The following SLC45A1 variants were observed in gnomAD, a reference collection of about 807,000 sequenced individuals.
SLC45A1 encodes proton-associated sugar transporter A.
Under a neutral mutation model 57.6 loss-of-function variants are expected in SLC45A1, and 28 were observed. The ratio of observed to expected loss-of-function variants is 0.49; its 90% confidence interval spans 0.36 to 0.67. The LOEUF is 0.67. SLC45A1 is among the 30% of genes least tolerant of loss of function. SLC45A1 has a pLI of 0.00. For synonymous variants in SLC45A1, 459 were observed against 471.5 expected (o/e 0.97, Z 0.34); for missense variants, 814 against 1,041.5 (o/e 0.78, Z 3.01).
rs138528401 is a variant in SLC45A1 at position 8,335,461 on chromosome 1, G to A, written c.1468G>A (p.Val490Met). The A allele has an allele frequency of 7.8e-5, 125 of 1,597,386 alleles. No individual in the cohort carries two copies. In the African/African-American group the frequency reaches 9.9e-4, roughly 13 times the overall value. Residue 490 changes from valine to methionine, a missense_variant, in exon 6 of 9, where the codon GTG (valine) becomes ATG (methionine). Physicochemically the swap from Val to Met is conservative, Grantham distance 21. Coordinates refer to ENST00000471889, the MANE Select transcript of SLC45A1 (RefSeq NM_001080397.3). The surrounding 1 kb of genome is among the most constrained non-coding windows in gnomAD (Gnocchi z 4.1). ...GGTGGCCAATATCCTGCTCAACGGC[G>A]TGAAGTATGAGAGCGAGCTGACGGG... ...QQVANILLNG[V>M]KYESELTGSS...
At chr1:8,341,930 G>T (rs562411547) in intron 8 of SLC45A1, among the ~76,000 whole-genome samples, 2 of 141,992 alleles carry the variant, frequency 1.4e-5, no homozygotes, top group Admixed American at 7.2e-5. Flanking sequence ...TAAATAGGCC[G>T]GGTGCGGTGG....
Position 8,330,420 on chromosome 1 carries a change from G to A in SLC45A1, c.927G>A (p.Pro309=), listed in dbSNP as rs763541042. ...CAGCCATGAAGAGCCCCAGCCTCCCGCTGCCCCCGTCCCCACCCGTCCTGC... is the reference window on the plus strand; with the variant it reads ...CAGCCATGAAGAGCCCCAGCCTCCCACTGCCCCCGTCCCCACCCGTCCTGC... ...KRAAMKSPSL[P]LPPSPPVLPE... The change falls in exon 5 of 9, where the codon CCG becomes CCA. Residue 309 remains proline (P), a synonymous_variant. Transcript: ENST00000471889. The surrounding 1 kb of genome is among the most constrained non-coding windows in gnomAD (Gnocchi z 8.4). The A allele has an allele frequency of 2.2e-5, 35 of 1,611,230 alleles. 1 individual carries two copies. The highest frequency in any genetic ancestry group is 1.5e-4 in the African/African-American group (11 of 74,932).
chr1:8,337,835 G>A lies in SLC45A1; in HGVS notation c.1617G>A (p.Gly539=). The A allele has an allele frequency of 1.2e-6, 2 of 1,613,940 alleles. No individual in the cohort carries two copies. The highest frequency in any genetic ancestry group is 1.7e-6 in the Non-Finnish European group (2 of 1,179,936). The part of the protein sequence containing the change: ...NHFLGWLSFE[G]MLLFYTDFMG... The stretch of plus-strand genomic sequence containing the variant: ...TTCCAGGGTGGCTCTCATTCGAGGG[G>A]ATGTTGCTCTTCTACACAGACTTCA... The change falls in exon 7 of 9, where the codon GGG becomes GGA. Residue 539 remains glycine (G), a synonymous_variant. Coordinates refer to ENST00000471889, the MANE Select transcript of SLC45A1 (RefSeq NM_001080397.3).
rs1640202664 is a variant in SLC45A1 at position 8,326,327 on chromosome 1, A to G, written c.715+285A>G. The stretch of plus-strand genomic sequence containing the variant: ...GTTATGTTCTGCAGAGTCACCACAA[A>G]CACTGAATTAGCAAACACCGCATCT... On this transcript the variant is annotated intron_variant, in intron 4 of 8. Transcript: ENST00000471889. The surrounding 1 kb of genome is among the most constrained non-coding windows in gnomAD (Gnocchi z 5.5). Among the ~76,000 whole-genome samples, 1 of 152,216 alleles carries G rather than the reference A, an allele frequency of 6.6e-6. No individual in the cohort carries two copies. The highest frequency in any genetic ancestry group is 2.4e-5 in the African/African-American group (1 of 41,462).
intron 7 of SLC45A1, among the ~76,000 whole-genome samples, chr1:8,338,276 G>A (rs1296977744): frequency 2.0e-5 from 3 of 152,240 alleles, no homozygotes; most frequent in East Asian, 1.9e-4. Flanking sequence ...GAAGTGGGGG[G>A]CCCTGGGGGA....
chr1:8,337,261 A>C (rs1353265320), intron 6 of SLC45A1, among the ~76,000 whole-genome samples: 1 of 152,184 alleles, frequency 6.6e-6, no homozygotes, highest in Non-Finnish European at 1.5e-5. Context: ...CTTATTCACT[A>C]TCATGAGAAC....
rs367573043 is a variant in SLC45A1, at chr1:8,325,311, G to A, written c.411G>A (p.Gln137=). ...GCTCTGTTTCAGGATTCCTACTGCA[G>A]CCTCTGTTGGGTGCTTGGAGTGACC... The part of the protein sequence containing the change: ...FISPILGFLL[Q]PLLGAWSDRC... Residue 137 remains glutamine (Q), a synonymous_variant, in exon 3 of 9, where the codon CAG becomes CAA. Transcript: ENST00000471889. The surrounding 1 kb of genome is among the most constrained non-coding windows in gnomAD (Gnocchi z 6.3). 12 of 1,613,474 alleles carry A rather than the reference G, an allele frequency of 7.4e-6. No homozygotes were observed. The African/African-American group carries it at 1.6e-4, about 22-fold the overall frequency.
intron 5 of SLC45A1, among the ~76,000 whole-genome samples, chr1:8,332,204 C>T (rs535783800): frequency 9.2e-5 from 14 of 152,330 alleles, no homozygotes; most frequent in Middle Eastern, 3.4e-3. Context: ...GGTATTTTTC[C>T]CAAGACGTCC....
chr1:8,328,448 G>C lies in SLC45A1; in HGVS notation c.716-1761G>C, dbSNP rs1640268579. ...CTTCTAAAGGGGCCATGCCGGGCGA[G>C]TGCTGGGCTTGGCAGAGAGGAAGAA... is the stretch of plus-strand genomic sequence containing the variant. On this transcript the variant is annotated intron_variant, in intron 4 of 8. Transcript: ENST00000471889. This position sits in a 1 kb window ranked among gnomAD's most constrained non-coding sequence, Gnocchi z 4.6. Among the ~76,000 whole-genome samples the C allele has an allele frequency of 6.6e-6, 1 of 152,242 alleles. No individual in the cohort carries two copies. Among genetic ancestry groups the C allele is most frequent in the Admixed American group, 6.5e-5 (1 of 15,284 alleles).
chr1:8,329,283 T>C (rs1460175068), intron 4 of SLC45A1, among the ~76,000 whole-genome samples: 2 of 152,238 alleles, frequency 1.3e-5, no homozygotes, highest in East Asian at 1.9e-4. Context: ...AATCCCGTGC[T>C]GGTAGCAGGC....
At position 8,344,032 on chromosome 1, in the gene SLC45A1, C is replaced by CTGGAG. The variant is rs1557572444; in HGVS notation, c.*19_*20insTGGAG. Reference sequence around the variant, plus strand: ...CGTCTGACATCGCGGAGCCTCGACTCCGGACACGCGCCTGCACCTGGGGGT... The same window carrying CTGGAG: ...CGTCTGACATCGCGGAGCCTCGACTCTGGAGCGGACACGCGCCTGCACCTGGGGGT... On this transcript the variant is annotated 3_prime_UTR_variant, in exon 9 of 9. Transcript: ENST00000471889. The CTGGAG allele has an allele frequency of 6.3e-7, 1 of 1,594,100 alleles. No individual in the cohort carries two copies. Among genetic ancestry groups the CTGGAG allele is most frequent in the Non-Finnish European group, 8.6e-7 (1 of 1,168,180 alleles).
At chr1:8,324,862 A>G (rs553687464) in intron 2 of SLC45A1, 136 bp downstream of exon 2, 1 of 847,412 alleles carries the variant, frequency 1.2e-6, no homozygotes, top group East Asian at 2.7e-5. Flanking sequence ...GACTGTGGGG[A>G]ACACAGGTAC....
At chr1:8,318,423 T>C (rs758164415) in intron 1 of SLC45A1, among the ~76,000 whole-genome samples, 10 of 152,314 alleles carry the variant, frequency 6.6e-5, no homozygotes, top group Non-Finnish European at 1.5e-4. Flanking sequence ...TGGCAGGTGC[T>C]CTCATCCTTG....
intron 8 of SLC45A1, among the ~76,000 whole-genome samples, chr1:8,341,513 C>G (rs1337005657): frequency 1.6e-5 from 2 of 127,850 alleles, no homozygotes; most frequent in African/African-American, 6.0e-5. Flanking sequence ...CCAGCCTGGG[C>G]GACAGAGCGA....
At chr1:8,329,753 C>T (rs922522109) in intron 4 of SLC45A1, among the ~76,000 whole-genome samples, 4 of 152,174 alleles carry the variant, frequency 2.6e-5, no homozygotes, top group Admixed American at 6.6e-5. Flanking sequence ...CCACAGGGGG[C>T]GGCTCTCCTC....
At chr1:8,342,312 T>C (rs1455611154) in intron 8 of SLC45A1, among the ~76,000 whole-genome samples, 1 of 152,224 alleles carries the variant, frequency 6.6e-6, no homozygotes, top group Admixed American at 6.5e-5. Context: ...TCTAACAGTG[T>C]GTGATGTGCA....
intron 5 of SLC45A1, among the ~76,000 whole-genome samples, chr1:8,332,791 G>T (rs1035568798): frequency 6.6e-6 from 1 of 152,148 alleles, no homozygotes; most frequent in East Asian, 1.9e-4. Context: ...GATTACAGGC[G>T]TGAGCAACCA....
chr1:8,332,740 G>T (rs1360219865), intron 5 of SLC45A1, among the ~76,000 whole-genome samples: 1 of 151,898 alleles, frequency 6.6e-6, no homozygotes. Flanking sequence ...CGAACTCCTG[G>T]CCTCAAGTGA....
chr1:8,333,623 C>T (rs533692543), intron 5 of SLC45A1, among the ~76,000 whole-genome samples: 9 of 152,290 alleles, frequency 5.9e-5, no homozygotes, highest in South Asian at 2.1e-4. Flanking sequence ...TTTGTAGAAA[C>T]GGGGCCTCAC....
Sources: gnomAD v4.1 joint callset for allele counts (sites outside exome capture counted in the v4.1 genomes callset) on GRCh38, gnomAD v4.1.1 for gene constraint, Gnocchi (gnomAD v3.1) non-coding constraint, MANE v1.5 for transcripts, NCBI Gene and HGNC (gene_info 2026-07-23, HGNC 2026-07-21) for gene names.